Variants in SYNPR observed in about 807,000 individuals in gnomAD.
The protein encoded by SYNPR is synaptoporin.
A neutral mutation model predicts 32.9 loss-of-function variants in SYNPR; 23 were observed. The ratio of observed to expected loss-of-function variants is 0.70; its 90% CI spans 0.50 to 0.99. SYNPR has a LOEUF of 0.99. Ranked by LOEUF, SYNPR falls within the 50% of genes least tolerant of loss-of-function variation. SYNPR has a pLI of 0.00. For missense variants in SYNPR, 318 were observed against 349.3 expected (o/e 0.91, Z 0.71); for synonymous variants, 146 against 135.9 (o/e 1.07, Z -0.52).
At chr3:63,311,887 G>C (rs576295985) in intron 2 of SYNPR, among the ~76,000 whole-genome samples, 1 of 151,930 alleles carries the variant, frequency 6.6e-6, no homozygotes, top group Non-Finnish European at 1.5e-5. Flanking sequence ...AGAGAACCTT[G>C]AGTAGGAATT....
chr3:63,558,175 A>G (rs1702624902), intron 4 of SYNPR, among the ~76,000 whole-genome samples: 1 of 152,220 alleles, frequency 6.6e-6, no homozygotes, highest in African/African-American at 2.4e-5. Context: ...ACAAGCCACC[A>G]GATGTGGCTG....
chr3:63,411,545 A>C (rs1350581263), intron 2 of SYNPR, among the ~76,000 whole-genome samples: 1 of 152,164 alleles, frequency 6.6e-6, no homozygotes. Context: ...ATAACGACCA[A>C]GTGTGGGAGG....
chr3:63,511,473 G>C (rs1461464329), intron 3 of SYNPR, among the ~76,000 whole-genome samples: 1 of 152,120 alleles, frequency 6.6e-6, no homozygotes, highest in Non-Finnish European at 1.5e-5. Context: ...ACAGGCATTT[G>C]TTTCTACTTC....
intron 2 of SYNPR, among the ~76,000 whole-genome samples, chr3:63,327,456 T>A (rs1290932953): frequency 6.6e-6 from 1 of 152,172 alleles, no homozygotes; most frequent in Non-Finnish European, 1.5e-5. Context: ...ATTATAAATG[T>A]ATTATGTCCA....
chr3:63,249,468 G>T (rs1457825022), intron 1 of SYNPR, among the ~76,000 whole-genome samples: 6 of 152,124 alleles, frequency 3.9e-5, no homozygotes, highest in Non-Finnish European at 1.5e-5. Context: ...CTTAAGCTAT[G>T]TGGGCAAGGA....
At chr3:63,255,342 T>G (rs1465561339) in intron 2 of SYNPR, among the ~76,000 whole-genome samples, 1 of 152,146 alleles carries the variant, frequency 6.6e-6, no homozygotes, top group African/African-American at 2.4e-5. Flanking sequence ...GGGTGGCAGA[T>G]GTACTAAGAT....
In SYNPR at chr3:63,315,221, C is replaced by CT. The variant is rs530063874; in HGVS notation, c.84+36485dup. 2.0e-3 allele frequency among the ~76,000 whole-genome samples: 299 copies of CT among 151,950 alleles called. 1 individual carries two copies. The highest frequency in any genetic ancestry group is 6.7e-3 in the African/African-American group (276 of 41,454). On this transcript the variant is annotated intron_variant, in intron 2 of 5. Transcript: ENST00000478300. ...TAGTCTTGCTTTGGCTATGTGAGCT[C>CT]TTTTTTGGTTCCATATGAATTTTAG...
At position 63,615,747 on chromosome 3, in the gene SYNPR, T is replaced by C; in HGVS notation, c.*266T>C. 1 of 344,744 alleles carries C rather than the reference T, an allele frequency of 2.9e-6. No individual in the cohort carries two copies. Among genetic ancestry groups the C allele is most frequent in the Non-Finnish European group, 5.2e-6 (1 of 191,308 alleles). 21.4% of individuals were successfully genotyped at this position (344,744 alleles called of 1,614,324 possible). Reference sequence around the variant, plus strand: ...TACAGATACTTTCATGGTCATTTTGTATGTATGTTAAAGTAGTAGAAGTAT... The same window carrying C: ...TACAGATACTTTCATGGTCATTTTGCATGTATGTTAAAGTAGTAGAAGTAT... On this transcript the variant is annotated 3_prime_UTR_variant, in exon 6 of 6. Transcript: ENST00000478300.
At chr3:63,604,479 T>A (rs959902604) in intron 4 of SYNPR, among the ~76,000 whole-genome samples, 1 of 152,160 alleles carries the variant, frequency 6.6e-6, no homozygotes, top group East Asian at 1.9e-4. Flanking sequence ...TGTGGGTGTT[T>A]AGTGCTATAA....
intron 3 of SYNPR, among the ~76,000 whole-genome samples, chr3:63,495,760 A>C (rs1449736445): frequency 6.6e-6 from 1 of 152,110 alleles, no homozygotes; most frequent in African/African-American, 2.4e-5. Flanking sequence ...GGAGACAGTA[A>C]AAAGATCAGT....
chr3:63,524,853 ATGTG>A (rs764949799), intron 3 of SYNPR, among the ~76,000 whole-genome samples: 2 of 66,268 alleles, frequency 3.0e-5, no homozygotes, highest in African/African-American at 4.1e-5. Context: ...GTGTGTGTGC[ATGTG>A]TGTGTGTGTG....
chr3:63,287,117 A>C (rs1268253642), intron 2 of SYNPR, among the ~76,000 whole-genome samples: 1 of 152,182 alleles, frequency 6.6e-6, no homozygotes, highest in East Asian at 1.9e-4. Context: ...CTGCCAGTCG[A>C]ATGTAATGAA....
chr3:63,373,656 T>C (rs1390818085), intron 2 of SYNPR, among the ~76,000 whole-genome samples: 1 of 152,310 alleles, frequency 6.6e-6, no homozygotes, highest in African/African-American at 2.4e-5. Context: ...GGAAAACATG[T>C]ATCAGGATAT....
At chr3:63,403,167 C>G (rs1181489192) in intron 2 of SYNPR, among the ~76,000 whole-genome samples, 2 of 152,076 alleles carry the variant, frequency 1.3e-5, no homozygotes, top group Non-Finnish European at 2.9e-5. Flanking sequence ...TGCATCTTGT[C>G]TTTGTATTCA....
intron 4 of SYNPR, among the ~76,000 whole-genome samples, chr3:63,573,566 C>T (rs1489269357): frequency 6.6e-6 from 1 of 152,184 alleles, no homozygotes. Context: ...TTGAAGTCAT[C>T]ATCACTTTCT....
chr3:63,344,486 T>A (rs1185483339), intron 2 of SYNPR, among the ~76,000 whole-genome samples: 1 of 151,802 alleles, frequency 6.6e-6, no homozygotes, highest in African/African-American at 2.4e-5. Flanking sequence ...AATATTTAAT[T>A]AAATTCAATT....
At chr3:63,421,659 A>T (rs1699800320) in intron 2 of SYNPR, among the ~76,000 whole-genome samples, 1 of 152,292 alleles carries the variant, frequency 6.6e-6, no homozygotes, top group African/African-American at 2.4e-5. Flanking sequence ...ATTTTCTCCT[A>T]GTTTCCATGG....
chr3:63,442,088 G>C (rs1362985703), intron 2 of SYNPR, among the ~76,000 whole-genome samples: 1 of 152,018 alleles, frequency 6.6e-6, no homozygotes, highest in Admixed American at 6.6e-5. Flanking sequence ...TATCCACCAA[G>C]TTGTTACTGT....
the SYNPR span, among the ~76,000 whole-genome samples, chr3:63,204,695 C>CT: frequency 1.3e-4 from 19 of 148,680 alleles, no homozygotes; most frequent in East Asian, 2.4e-3. Flanking sequence ...TTTTTTTTTT[C>CT]TTTTTTTTGA....
Sources: gnomAD v4.1 joint callset for allele counts (sites outside exome capture counted in the v4.1 genomes callset) on GRCh38, gnomAD v4.1.1 for gene constraint, MANE v1.5 for transcripts, NCBI Gene and HGNC (gene_info 2026-07-23, HGNC 2026-07-21) for gene names.